Variants in SEMA5A observed in about 807,000 individuals in gnomAD.
SEMA5A encodes the protein semaphorin-5A.
A neutral mutation model predicts 135.5 loss-of-function variants in SEMA5A; 55 were observed. The ratio of observed to expected loss-of-function variants is 0.41; its 90% CI spans 0.33 to 0.51. The LOEUF (loss-of-function observed/expected upper bound fraction) is 0.51, where lower values mean the gene tolerates loss of function less well. Among genes scored for constraint, SEMA5A ranks in the 20% least tolerant of loss-of-function variants. The pLI, the probability that SEMA5A is intolerant of heterozygous loss-of-function variation, is 0.37. For synonymous variants in SEMA5A, 580 were observed against 546.5 expected (o/e 1.06, Z -0.85); for missense variants, 1,290 against 1,419.9 (o/e 0.91, Z 1.47).
chr5:9,176,135 C>A (rs1427421222), intron 11 of SEMA5A, among the ~76,000 whole-genome samples: 2 of 152,152 alleles, frequency 1.3e-5, no homozygotes, highest in Non-Finnish European at 2.9e-5. Flanking sequence ...AAAGCTGGAT[C>A]ATCTTGGATG....
chr5:9,248,874 A>G (rs1748621580), intron 5 of SEMA5A, among the ~76,000 whole-genome samples: 1 of 152,188 alleles, frequency 6.6e-6, no homozygotes, highest in African/African-American at 2.4e-5. Flanking sequence ...ATAAGAATTA[A>G]TTTGGACTCC....
chr5:9,459,118 T>A (rs1758958468), intron 1 of SEMA5A, among the ~76,000 whole-genome samples: 1 of 152,128 alleles, frequency 6.6e-6, no homozygotes, highest in East Asian at 1.9e-4. Flanking sequence ...CTCAACTTTT[T>A]AAAAAAAGTC....
At chr5:9,288,949 T>C (rs1442299937) in intron 5 of SEMA5A, among the ~76,000 whole-genome samples, 1 of 152,258 alleles carries the variant, frequency 6.6e-6, no homozygotes, top group Non-Finnish European at 1.5e-5. Flanking sequence ...CAAAATGATT[T>C]TTAAATTAAA....
intron 6 of SEMA5A, among the ~76,000 whole-genome samples, chr5:9,229,463 A>C (rs1433288894): frequency 1.3e-5 from 2 of 152,176 alleles, no homozygotes; most frequent in African/African-American, 2.4e-5. Flanking sequence ...CTAGAGGGGT[A>C]CGGGAGCCTA....
chr5:9,265,315 T>TAGAA (rs1749626921), intron 5 of SEMA5A: 1 of 400,154 alleles, frequency 2.5e-6, no homozygotes, highest in Non-Finnish European at 5.1e-6. Context: ...ACCTCCTTAT[T>TAGAA]AGAAGGACAG....
intron 4 of SEMA5A, among the ~76,000 whole-genome samples, chr5:9,330,416 GTTTTTT>G (rs11386960): frequency 6.7e-6 from 1 of 149,076 alleles, no homozygotes. Context: ...GTACAGATTA[GTTTTTT>G]TTGTTTTTGT....
chr5:9,128,282 T>A (rs764355152), intron 13 of SEMA5A, among the ~76,000 whole-genome samples: 3 of 152,186 alleles, frequency 2.0e-5, no homozygotes, highest in Non-Finnish European at 4.4e-5. Flanking sequence ...TGGCAACCCC[T>A]TCAGTTGGGC....
intron 2 of SEMA5A, among the ~76,000 whole-genome samples, chr5:9,395,498 G>GA (rs953529091): frequency 2.0e-5 from 3 of 152,102 alleles, no homozygotes; most frequent in Admixed American, 1.3e-4. Context: ...TACCTGGAGG[G>GA]AAAAAAGTCA....
intron 5 of SEMA5A, among the ~76,000 whole-genome samples, chr5:9,267,298 T>C (rs945938902): frequency 1.3e-4 from 20 of 152,282 alleles, no homozygotes; most frequent in Admixed American, 1.1e-3. Flanking sequence ...TCTCCTGTAC[T>C]TTGCCTCTAT....
intron 14 of SEMA5A, among the ~76,000 whole-genome samples, chr5:9,120,250 G>C (rs1238710962): frequency 3.9e-5 from 6 of 151,918 alleles, no homozygotes; most frequent in Non-Finnish European, 8.8e-5. Context: ...AAAAATATTA[G>C]CTCACATTAA....
intron 1 of SEMA5A, among the ~76,000 whole-genome samples, chr5:9,537,132 C>A (rs1277320129): frequency 6.6e-6 from 1 of 152,128 alleles, no homozygotes; most frequent in East Asian, 1.9e-4. Context: ...CCACTTAGGA[C>A]AATGCCTTCA....
At chr5:9,458,935 T>C (rs919091254) in intron 1 of SEMA5A, among the ~76,000 whole-genome samples, 4 of 152,164 alleles carry the variant, frequency 2.6e-5, no homozygotes, top group African/African-American at 9.7e-5. Flanking sequence ...TAGAATAAGG[T>C]AAGCTGTGTT....
intron 2 of SEMA5A, among the ~76,000 whole-genome samples, chr5:9,426,848 A>G (rs1011806301): frequency 3.3e-5 from 5 of 152,228 alleles, no homozygotes; most frequent in African/African-American, 1.2e-4. Flanking sequence ...AAAACACTTA[A>G]TATTATAATC....
intron 2 of SEMA5A, among the ~76,000 whole-genome samples, chr5:9,383,085 C>G (rs1755685674): frequency 6.6e-6 from 1 of 152,216 alleles, no homozygotes; most frequent in Admixed American, 6.5e-5. Context: ...GCACAGAGCA[C>G]TGTAATGGAC....
intron 5 of SEMA5A, among the ~76,000 whole-genome samples, chr5:9,272,764 A>G (rs1750049342): frequency 6.6e-6 from 1 of 152,170 alleles, no homozygotes; most frequent in African/African-American, 2.4e-5. Context: ...CGCCTGCAGA[A>G]GAGGGGCCTG....
chr5:9,287,785 G>A (rs1750873994), intron 5 of SEMA5A, among the ~76,000 whole-genome samples: 1 of 152,196 alleles, frequency 6.6e-6, no homozygotes, highest in Middle Eastern at 3.2e-3. Context: ...CAAAGTCTCT[G>A]CATTTACTAT....
At chr5:9,113,804 A>T (rs559544351) in intron 15 of SEMA5A, among the ~76,000 whole-genome samples, 36 of 152,344 alleles carry the variant, frequency 2.4e-4, no homozygotes, top group African/African-American at 7.2e-4. Context: ...AAAAGTAAAT[A>T]AGAAGAATGC....
chr5:9,245,848 C>G (rs374722549), intron 5 of SEMA5A, among the ~76,000 whole-genome samples: 1 of 151,998 alleles, frequency 6.6e-6, no homozygotes, highest in East Asian at 1.9e-4. Flanking sequence ...TTTAAGGAAC[C>G]AAATTTATCT....
At chr5:9,110,037 G>A (rs2150159144) in intron 15 of SEMA5A, among the ~76,000 whole-genome samples, 1 of 152,196 alleles carries the variant, frequency 6.6e-6, no homozygotes, top group East Asian at 1.9e-4. Flanking sequence ...AAGCTGAGGG[G>A]TGCTGACGGG....
Sources: gnomAD v4.1 joint callset for allele counts (sites outside exome capture counted in the v4.1 genomes callset) on GRCh38, gnomAD v4.1.1 for gene constraint, MANE v1.5 for transcripts, NCBI Gene and HGNC (gene_info 2026-07-23, HGNC 2026-07-21) for gene names.